PSEN1: variants seen among roughly 807,000 people sequenced by gnomAD.
PSEN1 encodes the protein presenilin-1.
A neutral mutation model predicts 53.5 loss-of-function variants in PSEN1; 15 were observed. That is an observed-to-expected ratio of 0.28 (90% CI 0.19 to 0.43). The LOEUF (loss-of-function observed/expected upper bound fraction) is 0.43. PSEN1 is among the 20% of genes least tolerant of loss of function. The pLI is 1.00. For missense variants in PSEN1, 387 were observed against 571.2 expected, an observed-to-expected ratio of 0.68 and a Z score of 3.29; for synonymous variants, 208 against 209.8, an observed-to-expected ratio of 0.99 and a Z score of 0.08.
At chr14:73,193,090 C>A (rs1019172681) in intron 7 of PSEN1, among the ~76,000 whole-genome samples, 1 of 151,886 alleles carries the variant, frequency 6.6e-6, no homozygotes, top group African/African-American at 2.4e-5. Context: ...GCGGGCAGAT[C>A]ACCTAAGCCC....
At chr14:73,217,324 T>C in intron 11 of PSEN1, 80 bp downstream of exon 11, 1 of 1,537,286 alleles carries the variant, frequency 6.5e-7, no homozygotes, top group Non-Finnish European at 9.0e-7. Flanking sequence ...GGCAGTTCTG[T>C]TTTAACCCCA....
At chr14:73,157,486 G>A (rs534856111) in intron 3 of PSEN1, among the ~76,000 whole-genome samples, 11 of 152,132 alleles carry the variant, frequency 7.2e-5, no homozygotes, top group South Asian at 4.2e-4. Flanking sequence ...TATAATTGAC[G>A]TAAAATGTAC....
intron 8 of PSEN1, 60 bp downstream of exon 8, chr14:73,198,189 C>A: frequency 2.0e-6 from 2 of 978,590 alleles, no homozygotes; most frequent in Non-Finnish European, 3.2e-6. Flanking sequence ...GGAACTGAAG[C>A]ACATGTAACT....
intron 1 of PSEN1, among the ~76,000 whole-genome samples, chr14:73,141,264 A>G (rs970190986): frequency 1.6e-4 from 24 of 152,192 alleles, no homozygotes; most frequent in African/African-American, 5.8e-4. Flanking sequence ...TTGGCTGAAT[A>G]ATAATCTAAT....
At chr14:73,214,968 A>AT (rs997942580) in intron 10 of PSEN1, among the ~76,000 whole-genome samples, 1 of 151,804 alleles carries the variant, frequency 6.6e-6, no homozygotes, top group African/African-American at 2.4e-5. Flanking sequence ...AATTTTTATT[A>AT]TTTTTTTATT....
intron 1 of PSEN1, among the ~76,000 whole-genome samples, chr14:73,146,565 A>G (rs755946947): frequency 1.3e-5 from 2 of 152,218 alleles, no homozygotes; most frequent in Non-Finnish European, 2.9e-5. Context: ...CATGTATGAT[A>G]AAGTGGAATG....
At chr14:73,179,114 G>C (rs942304739) in intron 5 of PSEN1, among the ~76,000 whole-genome samples, 1 of 152,168 alleles carries the variant, frequency 6.6e-6, no homozygotes, top group African/African-American at 2.4e-5. Context: ...CATTCCTGCA[G>C]CCAAAAGTGG....
chr14:73,185,222 A>T (rs1302051077), intron 5 of PSEN1, among the ~76,000 whole-genome samples: 2 of 143,908 alleles, frequency 1.4e-5, no homozygotes, highest in African/African-American at 2.6e-5. Context: ...GGCAGAGGCT[A>T]CAATCTCGGC....
At chr14:73,202,999 G>T (rs1365889449) in intron 8 of PSEN1, among the ~76,000 whole-genome samples, 1 of 138,240 alleles carries the variant, frequency 7.2e-6, no homozygotes, top group African/African-American at 2.7e-5. Context: ...GTAGGTTCAA[G>T]ATTGCATCTG....
intron 7 of PSEN1, 84 bp from the exon 8 acceptor site, chr14:73,197,947 C>A: frequency 1.6e-4 from 105 of 639,922 alleles, no homozygotes; most frequent in Non-Finnish European, 1.8e-4. Flanking sequence ...AAACTTTTTT[C>A]CTTCGTTAAT....
intron 4 of PSEN1, among the ~76,000 whole-genome samples, chr14:73,171,715 G>A (rs1348160420): frequency 6.6e-6 from 1 of 152,174 alleles, no homozygotes; most frequent in Admixed American, 6.5e-5. Flanking sequence ...GGGAAGAGCA[G>A]GTAGCAGGTA....
chr14:73,190,473 C>T (rs940625316), intron 6 of PSEN1, among the ~76,000 whole-genome samples: 1 of 146,122 alleles, frequency 6.8e-6, no homozygotes, highest in African/African-American at 2.6e-5. Context: ...ACAGTCAGAC[C>T]TTGTCTCTAT....
intron 3 of PSEN1, among the ~76,000 whole-genome samples, chr14:73,155,455 A>G (rs927573621): frequency 4.6e-5 from 7 of 152,228 alleles, no homozygotes; most frequent in Non-Finnish European, 5.9e-5. Flanking sequence ...TGCCATATTT[A>G]AGAATGAGGT....
In PSEN1 at chr14:73,219,634, C is replaced by T. The variant is rs1319070223; in HGVS notation, c.*345C>T. 2.6e-5 allele frequency: 9 copies of T among 350,808 alleles called. No individual in the cohort carries two copies. Among genetic ancestry groups the T allele is most frequent in the South Asian group, 1.0e-4 (4 of 40,168 alleles). 21.7% of individuals were successfully genotyped at this position (350,808 alleles called of 1,614,324 possible). ...TCACAGGACGATTTCACTGACACTG[C>T]GAACTCTCAGGACTACCGTTACCAA... is the stretch of plus-strand genomic sequence containing the variant. On this transcript the variant is annotated 3_prime_UTR_variant, in exon 12 of 12. Coordinates refer to ENST00000324501, the MANE Select transcript of PSEN1 (RefSeq NM_000021.4).
chr14:73,190,816 A>T (rs971969679), intron 6 of PSEN1, among the ~76,000 whole-genome samples: 1 of 152,192 alleles, frequency 6.6e-6, no homozygotes, highest in African/African-American at 2.4e-5. Flanking sequence ...TTTATATCTT[A>T]TTCATGTGTT....
rs141187583 is a variant in PSEN1 at position 73,144,647 on chromosome 14, A to T, written c.-135-3148A>T. 2.2e-3 allele frequency among the ~76,000 whole-genome samples: 338 copies of T among 152,280 alleles called. 1 individual carries two copies. The highest frequency in any genetic ancestry group is 7.7e-3 in the African/African-American group (319 of 41,554). On this transcript the variant is annotated intron_variant, in intron 1 of 11. Coordinates refer to ENST00000324501, the MANE Select transcript of PSEN1 (RefSeq NM_000021.4). ...AACTTCTGTGTGCCACACTGTTTTC[A>T]TCTGTAAAAGGATAAAGGGAATATC...
intron 3 of PSEN1, chr14:73,168,894 G>C (rs185410776): frequency 2.0e-5 from 3 of 152,318 alleles, no homozygotes; most frequent in Non-Finnish European, 4.4e-5. Flanking sequence ...CTGCGGGGCC[G>C]CATAGAGCCT....
At chr14:73,212,314 T>C (rs1389160084) in intron 10 of PSEN1, among the ~76,000 whole-genome samples, 1 of 151,922 alleles carries the variant, frequency 6.6e-6, no homozygotes, top group African/African-American at 2.4e-5. Context: ...TTTCACCATC[T>C]TGGGCAGGCT....
At chr14:73,187,568 A>G (rs1183261137) in intron 6 of PSEN1, among the ~76,000 whole-genome samples, 1 of 152,218 alleles carries the variant, frequency 6.6e-6, no homozygotes, top group African/African-American at 2.4e-5. Flanking sequence ...TGTGAAATGG[A>G]TGATATTCTA....
Sources: allele counts gnomAD v4.1 joint callset (sites outside exome capture counted in the v4.1 genomes callset), GRCh38; gene constraint gnomAD v4.1.1; transcripts MANE v1.5; gene names NCBI Gene and HGNC (gene_info 2026-07-23, HGNC 2026-07-21).